Variants in FBXW4 observed in about 807,000 individuals in gnomAD.
The protein encoded by FBXW4 is F-box and WD repeat domain containing 4, also known as F-box/WD repeat-containing protein 4.
A neutral mutation model predicts 61.8 loss-of-function variants in FBXW4; 40 were observed. The observed-to-expected ratio is 0.65, with a 90% CI of 0.50 to 0.84. The LOEUF is 0.84. Among genes scored for constraint, FBXW4 ranks in the 40% least tolerant of loss-of-function variants. The pLI, the probability that FBXW4 is intolerant of heterozygous loss-of-function variation, is 0.00. For synonymous variants in FBXW4, 311 were observed against 313.8 expected, an observed-to-expected ratio of 0.99 and a Z score of 0.10; for missense variants, 672 against 753.8, an observed-to-expected ratio of 0.89 and a Z score of 1.27.
chr10:101,692,966 T>G (rs964297302), intron 1 of FBXW4, among the ~76,000 whole-genome samples: 1 of 152,076 alleles, frequency 6.6e-6, no homozygotes, highest in Non-Finnish European at 1.5e-5. Flanking sequence ...TTCTAACATC[T>G]AAGACCCACA....
rs1341402253 is a variant in FBXW4 at position 101,694,454 on chromosome 10, T to G, written c.652A>C (p.Ser218Arg). ...QVCRWLRRFTSCDLLWRRIAR... is the reference protein window; with the variant it reads ...QVCRWLRRFTRCDLLWRRIAR... Reference sequence around the variant, plus strand: ...ATCCGGCGCCAGAGCAGATCGCAGCTGGTGAAGCGCCGCAGCCAGCGGCAC... The same window carrying G: ...ATCCGGCGCCAGAGCAGATCGCAGCGGGTGAAGCGCCGCAGCCAGCGGCAC... Residue 218 changes from serine to arginine, a missense_variant, in exon 1 of 9, where the codon AGC (serine) becomes CGC (arginine). This residue lies in a region of FBXW4 where 311 missense variants were observed against 301.1 expected (regional missense o/e 1.03). Transcript: ENST00000331272. The surrounding 1 kb of genome is among the most constrained non-coding windows in gnomAD (Gnocchi z 6.0). 6.5e-7 allele frequency: 1 copy of G among 1,535,594 alleles called. No homozygotes were observed. The highest frequency in any genetic ancestry group is 8.7e-7 in the Non-Finnish European group (1 of 1,153,042).
chr10:101,680,860 A>G (rs1333557353), intron 1 of FBXW4, among the ~76,000 whole-genome samples: 1 of 152,192 alleles, frequency 6.6e-6, no homozygotes, highest in African/African-American at 2.4e-5. Context: ...TTTTACAAAG[A>G]TATTTATAGC....
intron 6 of FBXW4, among the ~76,000 whole-genome samples, chr10:101,612,725 C>T (rs1001338140): frequency 3.3e-5 from 5 of 151,798 alleles, no homozygotes; most frequent in Admixed American, 3.3e-4. Flanking sequence ...TCCATCACAC[C>T]TGCGTGCCGG....
rs1207414719 is a variant in FBXW4 at position 101,611,903 on chromosome 10, T to G, written c.1443-134A>C. On this transcript the variant is annotated intron_variant, in intron 7 of 8. Coordinates refer to ENST00000331272, the MANE Select transcript of FBXW4 (RefSeq NM_022039.4). This position sits in a 1 kb window ranked among gnomAD's most constrained non-coding sequence, Gnocchi z 4.9. ...ATGGAAGAGAAAGAAGCCTAAATCA[T>G]CAGATTCATCAAAAACCGAACTTCA... The G allele has an allele frequency of 1.8e-6, 2 of 1,120,854 alleles. No individual in the cohort carries two copies. Among genetic ancestry groups the G allele is most frequent in the African/African-American group, 3.1e-5 (2 of 63,850 alleles). 69.4% of individuals were successfully genotyped at this position (1,120,854 alleles called of 1,614,324 possible).
At chr10:101,689,313 G>A (rs1457709237) in intron 1 of FBXW4, among the ~76,000 whole-genome samples, 3 of 152,162 alleles carry the variant, frequency 2.0e-5, no homozygotes, top group Non-Finnish European at 4.4e-5. Context: ...GACTGGAAAG[G>A]ATATAAACAG....
At chr10:101,674,221 C>T (rs904868798) in intron 2 of FBXW4, among the ~76,000 whole-genome samples, 9 of 152,036 alleles carry the variant, frequency 5.9e-5, no homozygotes, top group Non-Finnish European at 2.9e-5. Flanking sequence ...CCCAGCTACT[C>T]CAGAGGCTGA....
At chr10:101,613,465 T>C (rs1052388400) in intron 6 of FBXW4, among the ~76,000 whole-genome samples, 4 of 152,210 alleles carry the variant, frequency 2.6e-5, no homozygotes, top group Non-Finnish European at 4.4e-5. Context: ...CCCCATGCCA[T>C]GACAGGAGAA....
intron 1 of FBXW4, chr10:101,676,821 G>C (rs1377006660): frequency 6.7e-6 from 1 of 148,502 alleles, no homozygotes; most frequent in African/African-American, 2.5e-5. Context: ...AAACTATAAA[G>C]CTGTCAGAAG....
At chr10:101,643,285 C>T (rs551089428) in intron 5 of FBXW4, among the ~76,000 whole-genome samples, 7 of 152,356 alleles carry the variant, frequency 4.6e-5, no homozygotes, top group African/African-American at 1.2e-4. Context: ...GCCATTGAGC[C>T]TTCAGTTGCC....
chr10:101,643,065 GC>G (rs2064067602), intron 5 of FBXW4, among the ~76,000 whole-genome samples: 1 of 152,152 alleles, frequency 6.6e-6, no homozygotes, highest in South Asian at 2.1e-4. Context: ...AGAAGGCAGG[GC>G]TTTGCCAACA....
At chr10:101,646,073 T>C (rs564347568) in intron 5 of FBXW4, among the ~76,000 whole-genome samples, 45 of 152,326 alleles carry the variant, frequency 3.0e-4, no homozygotes, top group Admixed American at 1.4e-3. Flanking sequence ...CTTGTCATTA[T>C]TGTGATCATC....
intron 5 of FBXW4, among the ~76,000 whole-genome samples, chr10:101,636,562 T>C (rs566962697): frequency 6.6e-6 from 1 of 151,898 alleles, no homozygotes; most frequent in Non-Finnish European, 1.5e-5. Flanking sequence ...TTTTTCTAGG[T>C]ATGATAATGG....
intron 5 of FBXW4, among the ~76,000 whole-genome samples, chr10:101,653,078 C>T (rs1036772569): frequency 1.3e-5 from 2 of 152,192 alleles, no homozygotes; most frequent in Non-Finnish European, 2.9e-5. Flanking sequence ...AAACAAAATT[C>T]AGTCTTCTCA....
At position 101,667,964 on chromosome 10, in the gene FBXW4, G is replaced by A. The variant is rs763833728; in HGVS notation, c.1157C>T (p.Ser386Leu). 5.6e-6 allele frequency: 9 copies of A among 1,614,050 alleles called. No homozygotes were observed. The highest frequency in any genetic ancestry group is 1.1e-5 in the South Asian group (1 of 91,092). ...GTGTAAGCACTGCCCCAGCCGGCCT[G>A]AGGCCAAAGGCCACACCTAGAAACA... ...DRTAKVWPLA[S>L]GRLGQCLHTI... Residue 386 changes from serine (S) to leucine (L), a missense_variant, in exon 5 of 9, where the codon TCA (serine) becomes TTA (leucine). Transcript: ENST00000331272.
At chr10:101,662,624 C>CA (rs2064254853) in intron 5 of FBXW4, among the ~76,000 whole-genome samples, 1 of 152,222 alleles carries the variant, frequency 6.6e-6, no homozygotes, top group Non-Finnish European at 1.5e-5. Flanking sequence ...CACACTCTCT[C>CA]ACACGATAGC....
chr10:101,663,720 C>T (rs964574264), intron 5 of FBXW4, among the ~76,000 whole-genome samples: 4 of 152,124 alleles, frequency 2.6e-5, no homozygotes, highest in African/African-American at 9.6e-5. Flanking sequence ...GGTTGTATCT[C>T]TGAGGCCTGT....
intron 5 of FBXW4, among the ~76,000 whole-genome samples, chr10:101,659,236 A>C (rs1290337226): frequency 6.6e-6 from 1 of 152,044 alleles, no homozygotes; most frequent in African/African-American, 2.4e-5. Context: ...CTTCGGCAAG[A>C]CCCCAGGGCA....
At chr10:101,682,164 C>T (rs994852833) in intron 1 of FBXW4, among the ~76,000 whole-genome samples, 17 of 152,152 alleles carry the variant, frequency 1.1e-4, no homozygotes, top group African/African-American at 3.1e-4. Context: ...AATAATCATT[C>T]GTTTTTCTTC....
Position 101,673,635 on chromosome 10 carries a change from T to C in FBXW4, c.860A>G (p.Tyr287Cys), listed in dbSNP as rs775347207. ...CAGGATGAAATTAGCCTGGGATATG[T>C]ACAGAGAATCATCCTCTAGCTGCAT... ...PWMQLEDDSL[Y>C]ISQANFILAY... The change falls in exon 3 of 9, where the codon TAC (tyrosine) becomes TGC (cysteine). Residue 287 changes from tyrosine to cysteine, a missense_variant. Coordinates refer to ENST00000331272, the MANE Select transcript of FBXW4 (RefSeq NM_022039.4). 7 of 1,614,120 alleles carry C rather than the reference T, an allele frequency of 4.3e-6. No individual in the cohort carries two copies. Among genetic ancestry groups the C allele is most frequent in the Non-Finnish European group, 5.9e-6 (7 of 1,179,958 alleles).
Sources: gnomAD v4.1 joint callset for allele counts (sites outside exome capture counted in the v4.1 genomes callset) on GRCh38, gnomAD v4.1.1 for gene constraint, gnomAD v4.1.1 regional missense constraint, Gnocchi (gnomAD v3.1) non-coding constraint, MANE v1.5 for transcripts, NCBI Gene and HGNC (gene_info 2026-07-23, HGNC 2026-07-21) for gene names.